MEN1: variants seen among roughly 807,000 people sequenced by gnomAD.
MEN1 encodes menin 1.
In MEN1, 6 loss-of-function variants were observed where a neutral mutation model predicts 58.0. That is an observed-to-expected ratio of 0.10 (90% CI 0.06 to 0.20). The LOEUF (loss-of-function observed/expected upper bound fraction) is 0.20. Among genes scored for constraint, MEN1 ranks in the 10% least tolerant of loss-of-function variants. The pLI is 1.00. For synonymous variants in MEN1, 346 were observed against 350.7 expected (o/e 0.99, Z 0.15); for missense variants, 492 against 818.5 (o/e 0.60, Z 4.87).
chr11:64,806,474 AG>A, intron 6 of MEN1, 106 bp from the exon 7 acceptor site: 3 of 1,341,682 alleles, frequency 2.2e-6, no homozygotes, highest in Non-Finnish European at 3.2e-6. Context: ...GGAAGATCCC[AG>A]GGAGTCCTCT....
chr11:64,806,329 T>G lies in MEN1; in HGVS notation c.952A>C (p.Ile318Leu). ...CCAGCCAGGTACATGTAGGGGTAGA[T>G]GTGTTCATCCCGATAGTAGGTCTTG... ...SAKTYYRDEH[I>L]YPYMYLAGYH... The change falls in exon 7 of 10, where the codon ATC (isoleucine) becomes CTC (leucine). Residue 318 changes from isoleucine to leucine, a missense_variant. By Grantham distance (5) the Ile-to-Leu change is conservative (BLOSUM62 2). Transcript: ENST00000450708. The G allele has an allele frequency of 1.2e-6, 2 of 1,614,174 alleles. No individual in the cohort carries two copies. Among genetic ancestry groups the G allele is most frequent in the Non-Finnish European group, 1.7e-6 (2 of 1,180,004 alleles).
At chr11:64,806,736 T>C (rs1941757718) in intron 6 of MEN1, among the ~76,000 whole-genome samples, 1 of 151,940 alleles carries the variant, frequency 6.6e-6, no homozygotes, top group African/African-American at 2.4e-5. Flanking sequence ...CTGCCACATT[T>C]GACCTCTGTT....
At chr11:64,809,638 T>A (rs1394710825) in intron 2 of MEN1, 27 bp downstream of exon 2, 3 of 1,613,356 alleles carry the variant, frequency 1.9e-6, no homozygotes, top group Non-Finnish European at 1.7e-6. Flanking sequence ...GGGTCATGGA[T>A]AAGATTCCCA....
In MEN1 at chr11:64,804,529, C is replaced by T. The variant is rs368783097; in HGVS notation, c.1638G>A (p.Pro546=). Residue 546 remains proline (P), a synonymous_variant, in exon 10 of 10, where the codon CCG becomes CCA. Transcript: ENST00000450708. The surrounding 1 kb of genome is among the most constrained non-coding windows in gnomAD (Gnocchi z 4.2). ...TCTGGAAAGTGAGCACTGGACCCTC[C>T]GGCGGTGGTGATGCTGTGGGTGCTG... ...QVPAPTASPP[P]EGPVLTFQSE... The T allele has an allele frequency of 7.9e-5, 127 of 1,614,044 alleles. 1 individual carries two copies. In the Admixed American group the frequency reaches 1.8e-3, roughly 24 times the overall value.
chr11:64,807,253 A>C lies in MEN1; in HGVS notation c.784-34T>G. 1 of 1,607,104 alleles carries C rather than the reference A, an allele frequency of 6.2e-7. No individual in the cohort carries two copies. The highest frequency in any genetic ancestry group is 8.5e-7 in the Non-Finnish European group (1 of 1,178,044). On this transcript the variant is annotated intron_variant, in intron 4 of 9. Transcript: ENST00000450708. This position sits in a 1 kb window ranked among gnomAD's most constrained non-coding sequence, Gnocchi z 4.9. ...CGAAGGAGAGAGTTATGAGCCACGG[A>C]ACAGGGAGGAGAACGGGTCCTTAGC...
rs886048479 is a variant in MEN1, at chr11:64,810,146, C to T, written c.-23-14G>A. On this transcript the variant is annotated splice_polypyrimidine_tract_variant and intron_variant, in intron 1 of 9. Transcript: ENST00000450708. Reference sequence around the variant, plus strand: ...GTGGGCGGCGGCCTGCAAGGCAAGCCGGGGGAGGGAGGGTCGGGCAGGTTC... The same window carrying T: ...GTGGGCGGCGGCCTGCAAGGCAAGCTGGGGGAGGGAGGGTCGGGCAGGTTC... The T allele has an allele frequency of 1.2e-5, 3 of 241,640 alleles. No homozygotes were observed. The highest frequency in any genetic ancestry group is 2.4e-5 in the Non-Finnish European group (3 of 126,188). 15.0% of individuals were successfully genotyped at this position (241,640 alleles called of 1,614,324 possible).
chr11:64,806,052 A>T, intron 7 of MEN1, 180 bp downstream of exon 7: 1 of 750,352 alleles, frequency 1.3e-6, no homozygotes, highest in Non-Finnish European at 2.2e-6. Flanking sequence ...GGAGGGAGGG[A>T]AAGATGTGAC....
At position 64,805,016 on chromosome 11, in the gene MEN1, T is replaced by C. The variant is rs1190733461; in HGVS notation, c.1350+18A>G. 5.6e-6 allele frequency: 9 copies of C among 1,612,868 alleles called. No homozygotes were observed. Among genetic ancestry groups the C allele is most frequent in the African/African-American group, 1.3e-5 (1 of 75,066 alleles). ...TCACCACCTGTAGTGCCCAGACCTC[T>C]GTGCAGCTGTCCCTCACCTGTCCCT... is the stretch of plus-strand genomic sequence containing the variant. On this transcript the variant is annotated intron_variant, in intron 9 of 9. Coordinates refer to ENST00000450708, the MANE Select transcript of MEN1 (RefSeq NM_001370259.2).
chr11:64,809,583 A>T, intron 2 of MEN1, 82 bp downstream of exon 2: 1 of 1,541,276 alleles, frequency 6.5e-7, no homozygotes, highest in Non-Finnish European at 8.9e-7. Flanking sequence ...CAAGGCTTAC[A>T]GTTCTTAAAA....
intron 8 of MEN1, 73 bp from the exon 9 acceptor site, chr11:64,805,271 C>T: frequency 6.5e-7 from 1 of 1,536,242 alleles, no homozygotes; most frequent in Non-Finnish European, 8.9e-7. Flanking sequence ...GGCCAGGCCC[C>T]CCACCTAGGC....
chr11:64,808,524 G>A (rs1453791868), intron 2 of MEN1, among the ~76,000 whole-genome samples: 5 of 152,220 alleles, frequency 3.3e-5, no homozygotes, highest in Admixed American at 3.3e-4. Flanking sequence ...CTGCTAAGCT[G>A]AGAAGCAGCC....
chr11:64,806,001 AT>A lies in MEN1; in HGVS notation c.1049+230del, dbSNP rs1468277518. On this transcript the variant is annotated intron_variant, in intron 7 of 9. Transcript: ENST00000450708. ...GGATGATGGTGGTTAAACATTGGAG[AT>A]TTGAGACTGTTCTGAGAAAAAAAAA... is the stretch of plus-strand genomic sequence containing the variant. The A allele has an allele frequency of 1.1e-5, 7 of 649,320 alleles. No individual in the cohort carries two copies. The African/African-American group carries it at 1.3e-4, about 12-fold the overall frequency. The allele number at this position is 649,320 out of a possible 1,614,324, so 40.2% of individuals were successfully genotyped here. A position where few individuals can be genotyped will look rare whatever the true frequency, so the allele number is the denominator to read the frequency against.
At chr11:64,810,215 C>A in intron 1 of MEN1, 83 bp from the exon 2 acceptor site, 4 of 833,020 alleles carry the variant, frequency 4.8e-6, no homozygotes, top group Non-Finnish European at 7.4e-6. Context: ...TTCCACCCGC[C>A]CCGACACACG....
intron 8 of MEN1, 64 bp from the exon 9 acceptor site, chr11:64,805,262 G>C (rs1941639796): frequency 1.3e-6 from 2 of 1,569,432 alleles, no homozygotes; most frequent in South Asian, 2.3e-5. Context: ...GAGGGCACAG[G>C]CCAGGCCCCC....
chr11:64,809,708 G>C lies in MEN1; in HGVS notation c.402C>G (p.Phe134Leu), dbSNP rs1244702530. Residue 134 changes from phenylalanine (F) to leucine (L), a missense_variant, in exon 2 of 10, where the codon TTC becomes TTG. Physicochemically the swap from Phe to Leu is conservative, Grantham distance 22. This residue lies in a region of MEN1 where 335 missense variants were observed against 550.3 expected (regional missense o/e 0.61). Coordinates refer to ENST00000450708, the MANE Select transcript of MEN1 (RefSeq NM_001370259.2). The stretch of plus-strand genomic sequence containing the variant: ...GGGACTGGATGTGGGCCCGATCCTT[G>C]AAGTAGGAGCGGCTGAGGCTGTTCC... The part of the protein sequence containing the change: ...VIWNSLSRSY[F>L]KDRAHIQSLF... 6.2e-7 allele frequency: 1 copy of C among 1,614,098 alleles called. No homozygotes were observed. Among genetic ancestry groups the C allele is most frequent in the African/African-American group, 1.3e-5 (1 of 74,918 alleles).
rs542321016 is a variant in MEN1, at chr11:64,807,067, G to A, written c.856C>T (p.Leu286=). 7 of 1,613,972 alleles carry A rather than the reference G, an allele frequency of 4.3e-6. No homozygotes were observed. In the East Asian group the frequency reaches 1.3e-4, roughly 31 times the overall value. Residue 286 remains leucine (L), a synonymous_variant, in exon 6 of 10, where the codon CTA becomes TTA. Coordinates refer to ENST00000450708, the MANE Select transcript of MEN1 (RefSeq NM_001370259.2). This position sits in a 1 kb window ranked among gnomAD's most constrained non-coding sequence, Gnocchi z 4.9. ...CCAGGGGTGGGCTCCAGCTCCTCTA[G>A]ATCTGCCAGGTTCCCTAAGGCCATG... ...YPMALGNLAD[L]EELEPTPGRP...
In MEN1 at chr11:64,807,496, C is replaced by G. The variant is rs2136138818; in HGVS notation, c.783+56G>C. ...AGGGAAAGTGCCCCTGCCCAGGGTC[C>G]CACAGCAAGTCAAGTCTGGCCTAGC... On this transcript the variant is annotated intron_variant, in intron 4 of 9. Coordinates refer to ENST00000450708, the MANE Select transcript of MEN1 (RefSeq NM_001370259.2). The surrounding 1 kb of genome is among the most constrained non-coding windows in gnomAD (Gnocchi z 4.9). The G allele has an allele frequency of 6.3e-7, 1 of 1,598,558 alleles. No homozygotes were observed. The highest frequency in any genetic ancestry group is 1.7e-4 in the Middle Eastern group (1 of 5,946).
Position 64,804,255 on chromosome 11 carries a change from G to C in MEN1, c.*79C>G. The C allele has an allele frequency of 6.3e-7, 1 of 1,597,960 alleles. No individual in the cohort carries two copies. On this transcript the variant is annotated 3_prime_UTR_variant, in exon 10 of 10. Transcript: ENST00000450708. This position sits in a 1 kb window ranked among gnomAD's most constrained non-coding sequence, Gnocchi z 4.2. ...GGTGAGGCCTGTCCCCTTTGGGCTG[G>C]GGGCAGAACATGGGCTCAGAGTTGG... is the stretch of plus-strand genomic sequence containing the variant.
chr11:64,806,983 C>T lies in MEN1; in HGVS notation c.912+28G>A, dbSNP rs529510083. On this transcript the variant is annotated intron_variant, in intron 6 of 9. Coordinates refer to ENST00000450708, the MANE Select transcript of MEN1 (RefSeq NM_001370259.2). Reference sequence around the variant, plus strand: ...TGCCTCAGCCACTGTTAGGGTCTCCCTTCTGCACCCTCCTTAGATGCCCCC... The same window carrying T: ...TGCCTCAGCCACTGTTAGGGTCTCCTTTCTGCACCCTCCTTAGATGCCCCC... The T allele has an allele frequency of 3.7e-6, 6 of 1,608,584 alleles. No homozygotes were observed. The South Asian group carries it at 6.6e-5, about 18-fold the overall frequency.
Sources: gnomAD v4.1 joint callset for allele counts (sites outside exome capture counted in the v4.1 genomes callset) on GRCh38, gnomAD v4.1.1 for gene constraint, gnomAD v4.1.1 regional missense constraint, Gnocchi (gnomAD v3.1) non-coding constraint, MANE v1.5 for transcripts, NCBI Gene and HGNC (gene_info 2026-07-23, HGNC 2026-07-21) for gene names.